The following SEMA5B variants were observed in gnomAD, a reference collection of about 807,000 sequenced individuals.
SEMA5B encodes the protein semaphorin-5B.
In SEMA5B, 66 loss-of-function variants were observed where a neutral mutation model predicts 135.0. The observed-to-expected ratio is 0.49, with a 90% CI of 0.40 to 0.60. The LOEUF is 0.60. Ranked by LOEUF, SEMA5B falls within the 20% of genes least tolerant of loss-of-function variation. The probability of loss-of-function intolerance (pLI) is 0.00; values close to 1 mark genes in which losing one functional copy is unlikely to be tolerated. For synonymous variants in SEMA5B, 690 were observed against 639.5 expected, an observed-to-expected ratio of 1.08 and a Z score of -1.19; for missense variants, 1,501 against 1,566.3, an observed-to-expected ratio of 0.96 and a Z score of 0.70.
intron 1 of SEMA5B, among the ~76,000 whole-genome samples, chr3:122,974,089 C>A (rs1941223935): frequency 6.6e-6 from 1 of 152,022 alleles, no homozygotes; most frequent in Non-Finnish European, 1.5e-5. Context: ...AGAGAGAGCC[C>A]AGGCACACCA....
chr3:122,982,777 A>T (rs1187405549), intron 1 of SEMA5B, among the ~76,000 whole-genome samples: 1 of 151,998 alleles, frequency 6.6e-6, no homozygotes, highest in East Asian at 1.9e-4. Context: ...CAGGGAGACC[A>T]TTCACTCTCC....
At chr3:122,963,492 C>CAAAA (rs71136598) in intron 1 of SEMA5B, among the ~76,000 whole-genome samples, 1,844 of 121,692 alleles carry the variant, frequency 0.015, 50 homozygotes, top group African/African-American at 0.05. Flanking sequence ...GTCTCTGACT[C>CAAAA]AAAAAAAAAA....
intron 12 of SEMA5B, among the ~76,000 whole-genome samples, chr3:122,918,565 A>C (rs1269127137): frequency 6.6e-6 from 1 of 152,240 alleles, no homozygotes; most frequent in Non-Finnish European, 1.5e-5. Context: ...CCATGGCAGA[A>C]TAGCAAAGAA....
rs768133149 is a variant in SEMA5B at position 122,943,290 on chromosome 3, G to A, written c.428+146C>T. 6.7e-6 allele frequency: 4 copies of A among 595,950 alleles called. No individual in the cohort carries two copies. In the Admixed American group the frequency reaches 8.7e-5, roughly 13 times the overall value. The allele number at this position is 595,950 out of a possible 1,614,324, so 36.9% of individuals were successfully genotyped here. A position where few individuals can be genotyped will look rare whatever the true frequency, so the allele number is the denominator to read the frequency against. On this transcript the variant is annotated intron_variant, in intron 4 of 22. Transcript: ENST00000357599. ...CGAAACACGCTTCCTCCTGTGGGGG[G>A]ACAGACATCCACAAGGAGAGGGCCC...
chr3:122,914,630 T>C (rs1340913184), intron 14 of SEMA5B, among the ~76,000 whole-genome samples: 4 of 152,190 alleles, frequency 2.6e-5, no homozygotes, highest in Non-Finnish European at 5.9e-5. Context: ...GTGTATGAAA[T>C]AGTTTTTTTA....
intron 3 of SEMA5B, among the ~76,000 whole-genome samples, chr3:122,944,978 GGA>G (rs780180944): frequency 3.8e-4 from 58 of 151,696 alleles, no homozygotes; most frequent in African/African-American, 1.4e-3. Context: ...AGAAGGGCCA[GGA>G]GAGAGAGAGA....
At chr3:122,914,126 A>C in intron 14 of SEMA5B, 125 bp from the exon 15 acceptor site, 6 of 1,077,104 alleles carry the variant, frequency 5.6e-6, no homozygotes, top group Non-Finnish European at 7.6e-6. Flanking sequence ...ACATAGAAAT[A>C]TCTTCTCCTA....
At chr3:122,929,610 A>G (rs1297917904) in intron 5 of SEMA5B, among the ~76,000 whole-genome samples, 2 of 152,140 alleles carry the variant, frequency 1.3e-5, no homozygotes, top group African/African-American at 2.4e-5. Flanking sequence ...CCTCGTGTAG[A>G]GCAGGGACTG....
chr3:122,939,297 GA>G, intron 5 of SEMA5B, 127 bp downstream of exon 5: 1 of 744,472 alleles, frequency 1.3e-6, no homozygotes, highest in Non-Finnish European at 2.4e-6. Flanking sequence ...CATGGCCAGT[GA>G]AAAGAACAAG....
At chr3:123,021,283 A>C (rs554998658) in intron 1 of SEMA5B, among the ~76,000 whole-genome samples, 111 of 152,192 alleles carry the variant, frequency 7.3e-4, no homozygotes, top group Non-Finnish European at 7.1e-4. Context: ...CAATGTGTAA[A>C]CCTTAAAAGC....
At chr3:122,932,475 C>G (rs866078206) in intron 5 of SEMA5B, among the ~76,000 whole-genome samples, 36 of 152,098 alleles carry the variant, frequency 2.4e-4, no homozygotes, top group Middle Eastern at 6.8e-3. Context: ...ACAAGGTAGA[C>G]AAAGGCCCAA....
chr3:122,940,661 C>T lies in SEMA5B; in HGVS notation c.429-1191G>A, dbSNP rs908777520. On this transcript the variant is annotated intron_variant, in intron 4 of 22. Coordinates refer to ENST00000357599, the MANE Select transcript of SEMA5B (RefSeq NM_001031702.4). ...GGCCCCTGCTGAAGGAATCCAGAGC[C>T]GGAAGGAGATGCCGCAGGCCAGGAG... Among the ~76,000 whole-genome samples the T allele has an allele frequency of 5.3e-5, 8 of 152,220 alleles. No homozygotes were observed. In the South Asian group the frequency reaches 1.0e-3, roughly 20 times the overall value.
chr3:122,961,251 A>C lies in SEMA5B; in HGVS notation c.13T>G (p.Phe5Val), dbSNP rs747742653. 3 of 1,614,128 alleles carry C rather than the reference A, an allele frequency of 1.9e-6. No individual in the cohort carries two copies. The South Asian group carries it at 3.3e-5, about 18-fold the overall frequency. Residue 5 changes from phenylalanine to valine, a missense_variant, in exon 2 of 23, where the codon TTC becomes GTC. Phe to Val is a conservative substitution (Grantham distance 50, BLOSUM62 -1). Coordinates refer to ENST00000357599, the MANE Select transcript of SEMA5B (RefSeq NM_001031702.4). ...TGGTGGGCAACAGGAGACGGACTGA[A>C]GCCACAGGGCATCCAAGAGACACAG... The part of the protein sequence containing the change: MPCG[F>V]SPSPVAHHLV...
chr3:122,932,602 C>G (rs1011342520), intron 5 of SEMA5B, among the ~76,000 whole-genome samples: 1 of 152,060 alleles, frequency 6.6e-6, no homozygotes, highest in African/African-American at 2.4e-5. Flanking sequence ...ATCAATATCC[C>G]GCTGGGCAGC....
In SEMA5B at chr3:122,927,973, T is replaced by C. The variant is rs772195601; in HGVS notation, c.667A>G (p.Ile223Val). Residue 223 changes from isoleucine to valine, a missense_variant, in exon 8 of 23, where the codon ATC becomes GTC. Ile to Val is a conservative substitution (Grantham distance 29, BLOSUM62 3). Coordinates refer to ENST00000357599, the MANE Select transcript of SEMA5B (RefSeq NM_001031702.4). ...VGNLSRTIEK[I>V]NGVARCPYDP... ...TAGGGGCAGCGGGCCACACCATTGA[T>C]CTTCTCAATAGTCCGGCTGAGGTTC... The C allele has an allele frequency of 9.2e-6, 14 of 1,525,906 alleles. No individual in the cohort carries two copies. The highest frequency in any genetic ancestry group is 1.7e-4 in the Middle Eastern group (1 of 5,740). 94.5% of individuals were successfully genotyped at this position (1,525,906 alleles called of 1,614,324 possible).
intron 2 of SEMA5B, among the ~76,000 whole-genome samples, chr3:122,955,848 G>A (rs747078649): frequency 1.1e-4 from 17 of 152,192 alleles, no homozygotes; most frequent in Non-Finnish European, 2.4e-4. Context: ...CTAAGTATCT[G>A]TTCATTCATT....
At chr3:122,931,942 T>C (rs911429056) in intron 5 of SEMA5B, among the ~76,000 whole-genome samples, 1 of 152,184 alleles carries the variant, frequency 6.6e-6, no homozygotes, top group Non-Finnish European at 1.5e-5. Context: ...AAAAAATGAC[T>C]AAGTTCATAC....
chr3:122,962,773 C>G (rs190807157), intron 1 of SEMA5B, among the ~76,000 whole-genome samples: 1 of 152,188 alleles, frequency 6.6e-6, no homozygotes, highest in African/African-American at 2.4e-5. Context: ...CAGAGGGAGA[C>G]AGAAAGAACC....
chr3:122,937,239 A>G (rs1265563805), intron 5 of SEMA5B, among the ~76,000 whole-genome samples: 2 of 152,196 alleles, frequency 1.3e-5, no homozygotes, highest in African/African-American at 4.8e-5. Flanking sequence ...CTGAGAACTG[A>G]AAGCTTATAA....
Sources: allele counts gnomAD v4.1 joint callset (sites outside exome capture counted in the v4.1 genomes callset), GRCh38; gene constraint gnomAD v4.1.1; transcripts MANE v1.5; gene names NCBI Gene and HGNC (gene_info 2026-07-23, HGNC 2026-07-21).